Variants in SCUBE2 observed in about 807,000 individuals in gnomAD.
The protein encoded by SCUBE2 is signal peptide, CUB domain and EGF like domain containing 2, also known as signal peptide, CUB and EGF-like domain-containing protein 2.
In SCUBE2, 114 loss-of-function variants were observed where a neutral mutation model predicts 125.9. The ratio of observed to expected loss-of-function variants is 0.91; its 90% CI spans 0.78 to 1.06. SCUBE2 has a LOEUF of 1.06. Among genes scored for constraint, SCUBE2 ranks in the 50% least tolerant of loss-of-function variants. The probability of loss-of-function intolerance (pLI) is 0.00; values close to 1 mark genes in which losing one functional copy is unlikely to be tolerated. For missense variants in SCUBE2, 1,255 were observed against 1,301.8 expected, an observed-to-expected ratio of 0.96 and a Z score of 0.55; for synonymous variants, 459 against 492.9, an observed-to-expected ratio of 0.93 and a Z score of 0.91.
Position 9,091,525 on chromosome 11 carries a change from C to T in SCUBE2, c.4G>A (p.Gly2Arg), listed in dbSNP as rs1193857980. 8 of 800,636 alleles carry T rather than the reference C, an allele frequency of 1.0e-5. No individual in the cohort carries two copies. Among genetic ancestry groups the T allele is most frequent in the Non-Finnish European group, 1.2e-5 (7 of 601,998 alleles). The allele number at this position is 800,636 out of a possible 1,614,324, so 49.6% of individuals were successfully genotyped here. Residue 2 changes from glycine (G) to arginine (R), a missense_variant, in exon 1 of 23, where the codon GGG (glycine) becomes AGG (arginine). Transcript: ENST00000649792. This position sits in a 1 kb window ranked among gnomAD's most constrained non-coding sequence, Gnocchi z 8.5. M[G>R]VAGRNRPGAA... Reference sequence around the variant, plus strand: ...CCGGGACGGTTGCGGCCCGCGACCCCCATGGATGGCTCAGCGGTTGCGGGC... The same window carrying T: ...CCGGGACGGTTGCGGCCCGCGACCCTCATGGATGGCTCAGCGGTTGCGGGC...
intron 7 of SCUBE2, chr11:9,065,006 C>A (rs550144909): frequency 7.9e-5 from 12 of 152,176 alleles, no homozygotes; most frequent in African/African-American, 2.9e-4. Flanking sequence ...ATCTCTTCTA[C>A]TATTATCATC....
intron 2 of SCUBE2, among the ~76,000 whole-genome samples, chr11:9,081,335 C>T (rs1022817966): frequency 1.3e-5 from 2 of 152,138 alleles, no homozygotes; most frequent in Admixed American, 6.6e-5. Context: ...AACAATAACT[C>T]CTCATTTCCT....
chr11:9,088,620 T>C (rs1052653602), intron 2 of SCUBE2, among the ~76,000 whole-genome samples: 2 of 152,246 alleles, frequency 1.3e-5, no homozygotes, highest in Non-Finnish European at 2.9e-5. Flanking sequence ...AGAAGATCAA[T>C]TCCCATGGGA....
intron 2 of SCUBE2, among the ~76,000 whole-genome samples, chr11:9,085,593 G>A (rs932618935): frequency 6.6e-6 from 1 of 152,054 alleles, no homozygotes; most frequent in East Asian, 1.9e-4. Flanking sequence ...AGGCGTGGTG[G>A]TGGGCGCCTG....
Position 9,069,424 on chromosome 11 carries a change from C to T in SCUBE2, c.589G>A (p.Ala197Thr), listed in dbSNP as rs370871651. The change falls in exon 5 of 23, where the codon GCC (alanine) becomes ACC (threonine). Residue 197 changes from alanine to threonine, a missense_variant. Physicochemically the swap from Ala to Thr is moderately conservative, Grantham distance 58 (BLOSUM62 0). Transcript: ENST00000649792. ...TCAAAACCAGGCCTGCACTCACAGGCGACGCTGCCCCTTGGGGCCTCCTTG... is the reference window on the plus strand; with the variant it reads ...TCAAAACCAGGCCTGCACTCACAGGTGACGCTGCCCCTTGGGGCCTCCTTG... ...ICKEAPRGSV[A>T]CECRPGFELA... 112 of 1,614,092 alleles carry T rather than the reference C, an allele frequency of 6.9e-5. No individual in the cohort carries two copies. The highest frequency in any genetic ancestry group is 8.8e-5 in the Non-Finnish European group (104 of 1,180,052).
Position 9,021,127 on chromosome 11 carries a change from T to A in SCUBE2, c.3005A>T (p.Gln1002Leu), listed in dbSNP as rs748569349. ...HPQNYFKYTA[Q>L]ESREMFPRSF... ...TCTTGGAAACATCTCTCGGGACTCC[T>A]GGGCTGTGTACTTGAAATAGTTCTG... is the stretch of plus-strand genomic sequence containing the variant. The change falls in exon 23 of 23, where the codon CAG becomes CTG. Residue 1002 changes from glutamine (Q) to leucine (L), a missense_variant. By Grantham distance (113) the Gln-to-Leu change is moderately radical. This residue lies in a region of SCUBE2 where 515 missense variants were observed against 515.7 expected (regional missense o/e 1.00). Coordinates refer to ENST00000649792, the MANE Select transcript of SCUBE2 (RefSeq NM_001367977.2). 1.2e-6 allele frequency: 2 copies of A among 1,613,748 alleles called. No homozygotes were observed. Among genetic ancestry groups the A allele is most frequent in the Non-Finnish European group, 1.7e-6 (2 of 1,179,806 alleles).
chr11:9,077,984 C>T (rs1009226814), intron 3 of SCUBE2, among the ~76,000 whole-genome samples: 4 of 152,194 alleles, frequency 2.6e-5, no homozygotes, highest in Non-Finnish European at 2.9e-5. Context: ...CCCGCCACCC[C>T]GGGCTGTGGA....
In SCUBE2 at chr11:9,021,911, GC is replaced by G. The variant is rs1370576272; in HGVS notation, c.2898del (p.Arg966SerfsTer59). 6.2e-7 allele frequency: 1 copy of G among 1,613,928 alleles called. No individual in the cohort carries two copies. Among genetic ancestry groups the G allele is most frequent in the Admixed American group, 1.7e-5 (1 of 60,030 alleles). The part of the protein sequence containing the change: ...ELIEDIVRDG[R>X]LYASENHQEI... ...TCCTGATGGTTCTCAGATGCATAGA[GC>G]CTGCCATCTCGAACTATGTCTTCAA... is the stretch of plus-strand genomic sequence containing the variant. On this transcript the variant is annotated frameshift_variant, in exon 22 of 23. Coordinates refer to ENST00000649792, the MANE Select transcript of SCUBE2 (RefSeq NM_001367977.2). LOFTEE classifies it high-confidence loss of function.
rs764016184 is a variant in SCUBE2 at position 9,065,882 on chromosome 11, G to A, written c.850+9C>T. 2.5e-6 allele frequency: 4 copies of A among 1,612,432 alleles called. No individual in the cohort carries two copies. The highest frequency in any genetic ancestry group is 3.4e-6 in the Non-Finnish European group (4 of 1,178,588). ...GCAGTGGCCAAGGAAAGGGAGTGAA[G>A]GTGCCTACCCATGAGCAGCCGCCGT... On this transcript the variant is annotated intron_variant, in intron 7 of 22. Transcript: ENST00000649792.
chr11:9,089,964 G>A (rs72549214), intron 1 of SCUBE2, 135 bp from the exon 2 acceptor site: 2 of 1,178,104 alleles, frequency 1.7e-6, no homozygotes, highest in South Asian at 1.8e-5. Flanking sequence ...GGGATCCCTG[G>A]GATAAACCAA....
rs750571498 is a variant in SCUBE2 at position 9,065,898 on chromosome 11, C to T, written c.843G>A (p.Leu281=). ...VDGDKRVKRR[L]LMETCAVNNG... The stretch of plus-strand genomic sequence containing the variant: ...GGGAGTGAAGGTGCCTACCCATGAG[C>T]AGCCGCCGTTTCACCCGTTTATCCC... Residue 281 remains leucine (L), a synonymous_variant, in exon 7 of 23, where the codon CTG becomes CTA. Coordinates refer to ENST00000649792, the MANE Select transcript of SCUBE2 (RefSeq NM_001367977.2). 8.7e-6 allele frequency: 14 copies of T among 1,613,974 alleles called. No homozygotes were observed. Among genetic ancestry groups the T allele is most frequent in the Non-Finnish European group, 1.2e-5 (14 of 1,179,872 alleles).
chr11:9,027,402 T>C lies in SCUBE2; in HGVS notation c.2663A>G (p.Glu888Gly). The change falls in exon 20 of 23, where the codon GAG (glutamate) becomes GGG (glycine). Residue 888 changes from glutamate to glycine, a missense_variant. By Grantham distance (98) the Glu-to-Gly change is moderately conservative. Transcript: ENST00000649792. Reference sequence around the variant, plus strand: ...CACCAGATAGTCCCCACAGTCGTCCTCTATGGGCAGGAAGATCTCAGGGAC... The same window carrying C: ...CACCAGATAGTCCCCACAGTCGTCCCCTATGGGCAGGAAGATCTCAGGGAC... ...IVVPEIFLPI[E>G]DDCGDYLVMR... The C allele has an allele frequency of 6.2e-7, 1 of 1,614,024 alleles. No individual in the cohort carries two copies. Among genetic ancestry groups the C allele is most frequent in the Non-Finnish European group, 8.5e-7 (1 of 1,179,998 alleles).
At position 9,033,709 on chromosome 11, in the gene SCUBE2, T is replaced by G; in HGVS notation, c.2090A>C (p.Gln697Pro). The G allele has an allele frequency of 6.2e-7, 1 of 1,614,182 alleles. No individual in the cohort carries two copies. Among genetic ancestry groups the G allele is most frequent in the Non-Finnish European group, 8.5e-7 (1 of 1,180,026 alleles). Reference sequence around the variant, plus strand: ...TCTTGGGCATGGTTCACAAGTCATTTGTCCTTCCTCATTTTGGAAGGTTCC... The same window carrying G: ...TCTTGGGCATGGTTCACAAGTCATTGGTCCTTCCTCATTTTGGAAGGTTCC... ...PNGTFQNEEGQMTCEPCPRPG... is the reference protein window; with the variant it reads ...PNGTFQNEEGPMTCEPCPRPG... Residue 697 changes from glutamine to proline, a missense_variant, in exon 17 of 23, where the codon CAA becomes CCA. Around this residue, in one of 3 missense-constraint regions of SCUBE2, gnomAD observed 515 missense variants for 515.7 expected, o/e 1.00. Coordinates refer to ENST00000649792, the MANE Select transcript of SCUBE2 (RefSeq NM_001367977.2).
At chr11:9,035,685 G>A (rs995304246) in intron 16 of SCUBE2, among the ~76,000 whole-genome samples, 2 of 151,880 alleles carry the variant, frequency 1.3e-5, no homozygotes, top group African/African-American at 4.8e-5. Context: ...AAATAAAAAT[G>A]TCTTTTCATT....
At chr11:9,072,391 G>A (rs1033060243) in intron 4 of SCUBE2, among the ~76,000 whole-genome samples, 4 of 152,152 alleles carry the variant, frequency 2.6e-5, no homozygotes, top group African/African-American at 7.2e-5. Context: ...TGTATTTTTA[G>A]TAGAGATGGG....
rs565923433 is a variant in SCUBE2 at position 9,072,586 on chromosome 11, T to C, written c.517+1895A>G. 1.3e-5 allele frequency among the ~76,000 whole-genome samples: 2 copies of C among 152,338 alleles called. 1 individual carries two copies. Among genetic ancestry groups the C allele is most frequent in the South Asian group, 4.1e-4 (2 of 4,830 alleles). ...GAGGAAATCCTAGAAGAAAACTTTT[T>C]ACAGGCTGTTCTATTTGAAGAATCA... On this transcript the variant is annotated intron_variant, in intron 4 of 22. Transcript: ENST00000649792.
intron 17 of SCUBE2, among the ~76,000 whole-genome samples, chr11:9,032,560 C>G (rs1856404994): frequency 1.3e-5 from 2 of 152,120 alleles, no homozygotes; most frequent in Admixed American, 1.3e-4. Context: ...ATAGCGAAAC[C>G]CCATCTCTGC....
chr11:9,059,654 T>A (rs775496432), intron 8 of SCUBE2: 2 of 533,818 alleles, frequency 3.7e-6, no homozygotes, highest in Non-Finnish European at 6.5e-6. Context: ...TGACTTATGA[T>A]GCCCTTGATT....
chr11:9,050,719 A>C lies in SCUBE2; in HGVS notation c.1535-9T>G. ...CCTGATGGTGGTGACATCTTCAGAA[A>C]GAAACAAGTGAGAGATGTTACCTTC... is the stretch of plus-strand genomic sequence containing the variant. On this transcript the variant is annotated splice_polypyrimidine_tract_variant and intron_variant, in intron 13 of 22. Coordinates refer to ENST00000649792, the MANE Select transcript of SCUBE2 (RefSeq NM_001367977.2). 1 of 1,602,974 alleles carries C rather than the reference A, an allele frequency of 6.2e-7. No homozygotes were observed. The highest frequency in any genetic ancestry group is 8.5e-7 in the Non-Finnish European group (1 of 1,169,724).
Sources: gnomAD v4.1 joint callset for allele counts (sites outside exome capture counted in the v4.1 genomes callset) on GRCh38, gnomAD v4.1.1 for gene constraint, gnomAD v4.1.1 regional missense constraint, Gnocchi (gnomAD v3.1) non-coding constraint, MANE v1.5 for transcripts, NCBI Gene and HGNC (gene_info 2026-07-23, HGNC 2026-07-21) for gene names.